Variants in NR2F1-AS1 observed in about 807,000 individuals in gnomAD.
NR2F1-AS1 encodes the protein NR2F1 antisense RNA 1.
At chr5:93,478,871 C>T (rs1750542840) in intron 4 of NR2F1-AS1, among the ~76,000 whole-genome samples, 1 of 152,156 alleles carries the variant, frequency 6.6e-6, no homozygotes, top group South Asian at 2.1e-4. Context: ...CATTCAATTA[C>T]CAATGAGTGA....
intron 4 of NR2F1-AS1, among the ~76,000 whole-genome samples, chr5:93,488,857 A>G (rs1452812757): frequency 1.3e-5 from 2 of 152,244 alleles, no homozygotes; most frequent in Non-Finnish European, 2.9e-5. Flanking sequence ...CCAAATGTCC[A>G]TCAATGATAG....
chr5:93,540,472 G>C (rs893524836), intron 4 of NR2F1-AS1, among the ~76,000 whole-genome samples: 2 of 152,128 alleles, frequency 1.3e-5, no homozygotes, highest in African/African-American at 4.8e-5. Context: ...TCACCCAATA[G>C]GCTCAAGGGG....
At chr5:93,560,248 C>CA (rs942514057) in intron 2 of NR2F1-AS1, among the ~76,000 whole-genome samples, 1 of 152,110 alleles carries the variant, frequency 6.6e-6, no homozygotes, top group African/African-American at 2.4e-5. Context: ...TTTTTTTACA[C>CA]TTCTCTTGGG....
At chr5:93,571,138 G>T (rs1275064971) in intron 1 of NR2F1-AS1, 2 of 152,058 alleles carry the variant, frequency 1.3e-5, no homozygotes. Flanking sequence ...TCAGGCGGAC[G>T]AGGGGCCGCC....
chr5:93,576,097 A>G (rs923738912), intron 1 of NR2F1-AS1, among the ~76,000 whole-genome samples: 4 of 152,218 alleles, frequency 2.6e-5, no homozygotes, highest in African/African-American at 4.8e-5. Context: ...CCAGAGAGAA[A>G]ATAAGAGTAG....
intron 4 of NR2F1-AS1, among the ~76,000 whole-genome samples, chr5:93,519,373 T>C (rs1238161775): frequency 6.6e-6 from 1 of 152,142 alleles, no homozygotes; most frequent in East Asian, 1.9e-4. Flanking sequence ...GTAAAGCAAA[T>C]GTATGATATG....
chr5:93,411,481 T>C (rs1201952458), intron 4 of NR2F1-AS1: 2 of 152,234 alleles, frequency 1.3e-5, no homozygotes, highest in African/African-American at 2.4e-5. Context: ...ACTCAGTGGC[T>C]ATCTGTCCCA....
At chr5:93,554,474 G>C (rs1326271618) in intron 3 of NR2F1-AS1, among the ~76,000 whole-genome samples, 3 of 152,196 alleles carry the variant, frequency 2.0e-5, no homozygotes, top group East Asian at 3.9e-4. Context: ...TCAGTTTCTA[G>C]TTGAATCTCC....
At chr5:93,517,208 T>C (rs1477904194) in intron 4 of NR2F1-AS1, among the ~76,000 whole-genome samples, 2 of 152,010 alleles carry the variant, frequency 1.3e-5, no homozygotes, top group Non-Finnish European at 1.5e-5. Flanking sequence ...TGATACTTTC[T>C]TGCTAAGTCT....
chr5:93,446,505 G>C (rs1345215626), intron 4 of NR2F1-AS1, among the ~76,000 whole-genome samples: 1 of 152,118 alleles, frequency 6.6e-6, no homozygotes, highest in Admixed American at 6.5e-5. Context: ...GGGTGTGAAG[G>C]ACCTCTTCAA....
chr5:93,450,725 C>T (rs1749808726), intron 4 of NR2F1-AS1, among the ~76,000 whole-genome samples: 1 of 151,940 alleles, frequency 6.6e-6, no homozygotes. Context: ...GGATTGTTCA[C>T]TACAAGGTTT....
chr5:93,511,428 A>G (rs1048617200), intron 4 of NR2F1-AS1, among the ~76,000 whole-genome samples: 2 of 152,182 alleles, frequency 1.3e-5, no homozygotes, highest in Admixed American at 1.3e-4. Flanking sequence ...CTAGCTTGCA[A>G]GGAGCAGATC....
At chr5:93,515,989 G>T (rs1226774242) in intron 4 of NR2F1-AS1, among the ~76,000 whole-genome samples, 1 of 151,756 alleles carries the variant, frequency 6.6e-6, no homozygotes, top group African/African-American at 2.4e-5. Context: ...ACAAACTGAT[G>T]GCCAAGTTTT....
intron 4 of NR2F1-AS1, among the ~76,000 whole-genome samples, chr5:93,463,979 G>A (rs1325342862): frequency 6.6e-6 from 1 of 152,162 alleles, no homozygotes; most frequent in Admixed American, 6.5e-5. Context: ...AATGAGTTAA[G>A]ACTTTGGGAG....
chr5:93,535,951 G>C (rs1226534355), intron 4 of NR2F1-AS1, among the ~76,000 whole-genome samples: 2 of 152,032 alleles, frequency 1.3e-5, no homozygotes, highest in Non-Finnish European at 2.9e-5. Context: ...GTTCTAAGTA[G>C]AGCAATTAGA....
At chr5:93,458,699 C>CA (rs1433378187) in intron 4 of NR2F1-AS1, among the ~76,000 whole-genome samples, 1 of 151,962 alleles carries the variant, frequency 6.6e-6, no homozygotes, top group Non-Finnish European at 1.5e-5. Flanking sequence ...TTTTGTTTTT[C>CA]AAAAAACCGT....
intron 4 of NR2F1-AS1, among the ~76,000 whole-genome samples, chr5:93,518,033 A>C (rs1378778765): frequency 6.6e-6 from 1 of 152,102 alleles, no homozygotes; most frequent in Non-Finnish European, 1.5e-5. Context: ...GGGCTTAAGC[A>C]ATCCTCCCTC....
chr5:93,559,026 T>C (rs529865708), intron 2 of NR2F1-AS1, among the ~76,000 whole-genome samples: 2 of 152,364 alleles, frequency 1.3e-5, no homozygotes, highest in East Asian at 3.9e-4. Context: ...AATCAGTCTG[T>C]CCTTTGAGGC....
chr5:93,529,357 T>C (rs568576513), intron 4 of NR2F1-AS1, among the ~76,000 whole-genome samples: 3 of 152,198 alleles, frequency 2.0e-5, no homozygotes, highest in Admixed American at 1.3e-4. Context: ...AGTCAAGAAG[T>C]TTCAAATATA....
Sources: allele counts gnomAD v4.1 joint callset (sites outside exome capture counted in the v4.1 genomes callset), GRCh38; gene constraint gnomAD v4.1.1; transcripts MANE v1.5; gene names NCBI Gene and HGNC (gene_info 2026-07-23, HGNC 2026-07-21).